PIWIL1: variants seen among roughly 807,000 people sequenced by gnomAD.
The protein encoded by PIWIL1 is piwi-like protein 1.
Under a neutral mutation model 114.4 loss-of-function variants are expected in PIWIL1, and 73 were observed. That is an observed-to-expected ratio of 0.64 (90% CI 0.53 to 0.78). The LOEUF (loss-of-function observed/expected upper bound fraction) is 0.78, where lower values mean the gene tolerates loss of function less well. Among genes scored for constraint, PIWIL1 ranks in the 30% least tolerant of loss-of-function variants. PIWIL1 has a pLI of 0.00. For missense variants in PIWIL1, 723 were observed against 1,063.1 expected (o/e 0.68, Z 4.45); for synonymous variants, 375 against 369.0 (o/e 1.02, Z -0.19).
the PIWIL1 span, among the ~76,000 whole-genome samples, chr12:130,416,238 T>C: frequency 2.0e-5 from 3 of 152,184 alleles, no homozygotes; most frequent in African/African-American, 7.2e-5. Context: ...AAAATTCATA[T>C]GGAACCAAAA....
At chr12:130,415,770 C>T in the PIWIL1 span, among the ~76,000 whole-genome samples, 1 of 152,280 alleles carries the variant, frequency 6.6e-6, no homozygotes, top group Non-Finnish European at 1.5e-5. Flanking sequence ...AATTATCTCT[C>T]TTCACTGATG....
the PIWIL1 span, among the ~76,000 whole-genome samples, chr12:130,418,794 A>G: frequency 3.9e-5 from 6 of 152,166 alleles, no homozygotes; most frequent in African/African-American, 1.4e-4. Flanking sequence ...ATACTCAAGG[A>G]CCATGATCTG....
chr12:130,413,724 T>C, the PIWIL1 span, among the ~76,000 whole-genome samples: 2 of 150,054 alleles, frequency 1.3e-5, no homozygotes, highest in Non-Finnish European at 3.0e-5. Flanking sequence ...GGCATGGAAC[T>C]CCAGCCTCTA....
At chr12:130,399,235 GAAATA>G in the PIWIL1 span, 31 of 845,452 alleles carry the variant, frequency 3.7e-5, no homozygotes, top group African/African-American at 2.3e-4. Flanking sequence ...TTGCAGTGAT[GAAATA>G]AAATAAAAAT....
chr12:130,404,444 C>A, the PIWIL1 span, among the ~76,000 whole-genome samples: 2 of 152,162 alleles, frequency 1.3e-5, no homozygotes, highest in African/African-American at 4.8e-5. Flanking sequence ...ATTACAGGCA[C>A]ATGCCACCAC....
chr12:130,364,491 G>A (rs191042342), intron 18 of PIWIL1, among the ~76,000 whole-genome samples: 4 of 152,320 alleles, frequency 2.6e-5, no homozygotes, highest in Non-Finnish European at 2.9e-5. Flanking sequence ...ATGTGATGCC[G>A]TGAAGGTCTC....
chr12:130,394,642 C>T, the PIWIL1 span, among the ~76,000 whole-genome samples: 1 of 143,898 alleles, frequency 6.9e-6, no homozygotes, highest in Non-Finnish European at 1.5e-5. Context: ...GTAGAAATTT[C>T]TGGAAGGTTG....
the PIWIL1 span, among the ~76,000 whole-genome samples, chr12:130,401,258 G>A: frequency 6.6e-6 from 1 of 152,004 alleles, no homozygotes; most frequent in Non-Finnish European, 1.5e-5. Context: ...TGGAATTACA[G>A]GCAGATGCCA....
intron 6 of PIWIL1, among the ~76,000 whole-genome samples, chr12:130,347,580 G>A (rs1481015435): frequency 1.3e-5 from 2 of 152,214 alleles, no homozygotes; most frequent in Non-Finnish European, 2.9e-5. Flanking sequence ...ACTTGTATCT[G>A]TAATTTCCCT....
the PIWIL1 span, among the ~76,000 whole-genome samples, chr12:130,415,197 T>G: frequency 6.6e-6 from 1 of 152,080 alleles, no homozygotes; most frequent in African/African-American, 2.4e-5. Context: ...AAAAAGACAA[T>G]TCACCATGAT....
At chr12:130,383,315 C>G in the PIWIL1 span, 3 of 152,128 alleles carry the variant, frequency 2.0e-5, no homozygotes, top group African/African-American at 7.2e-5. Flanking sequence ...GACGTGTTCC[C>G]TATGAGAATC....
In PIWIL1 at chr12:130,361,573, G is replaced by A. The variant is rs1408672760; in HGVS notation, c.1942G>A (p.Val648Ile). The change falls in exon 16 of 21, where the codon GTT becomes ATT. Residue 648 changes from valine (V) to isoleucine (I), a missense_variant. Coordinates refer to ENST00000245255, the MANE Select transcript of PIWIL1 (RefSeq NM_004764.5). ...TGGGCGGAGGTCAATCGCAGGATTT[G>A]TTGCCAGCATCAATGAAGGGATGAC... ...TAGRRSIAGF[V>I]ASINEGMTRW... The A allele has an allele frequency of 6.2e-7, 1 of 1,614,194 alleles. No individual in the cohort carries two copies. The highest frequency in any genetic ancestry group is 1.1e-5 in the South Asian group (1 of 91,084).
At chr12:130,346,013 C>G in intron 4 of PIWIL1, 135 bp downstream of exon 4, 1 of 831,720 alleles carries the variant, frequency 1.2e-6, no homozygotes, top group Non-Finnish European at 1.8e-6. Flanking sequence ...TTTCTTTTGG[C>G]GTTGATGAAG....
chr12:130,399,147 A>G, the PIWIL1 span: 1 of 1,399,218 alleles, frequency 7.1e-7, no homozygotes, highest in Non-Finnish European at 9.3e-7. Context: ...AAGGTGTGAA[A>G]TGAACACTCT....
At chr12:130,414,376 G>T in the PIWIL1 span, 1 of 1,451,322 alleles carries the variant, frequency 6.9e-7, no homozygotes, top group Non-Finnish European at 9.3e-7. Flanking sequence ...GGGAAATGCA[G>T]CTTTGGAAAG....
At chr12:130,356,885 T>C (rs768503552) in intron 12 of PIWIL1, 33 bp from the exon 13 acceptor site, 2 of 1,497,076 alleles carry the variant, frequency 1.3e-6, no homozygotes, top group Non-Finnish European at 1.8e-6. Flanking sequence ...GAACTTACAA[T>C]GGAATTTACA....
intron 19 of PIWIL1, among the ~76,000 whole-genome samples, chr12:130,369,079 G>A (rs1446167889): frequency 6.6e-6 from 1 of 152,010 alleles, no homozygotes; most frequent in Non-Finnish European, 1.5e-5. Flanking sequence ...CCCAGTGTGT[G>A]TGTCATTCTC....
At chr12:130,407,105 C>A in the PIWIL1 span, among the ~76,000 whole-genome samples, 1 of 152,216 alleles carries the variant, frequency 6.6e-6, no homozygotes, top group Non-Finnish European at 1.5e-5. Context: ...TATTCACAAC[C>A]AAACACATTT....
intron 3 of PIWIL1, among the ~76,000 whole-genome samples, chr12:130,343,885 C>T (rs2136128911): frequency 6.6e-6 from 1 of 152,256 alleles, no homozygotes; most frequent in Middle Eastern, 3.4e-3. Context: ...GCTTAGCCTC[C>T]CAAAGTGCTG....
Sources: allele counts gnomAD v4.1 joint callset (sites outside exome capture counted in the v4.1 genomes callset), GRCh38; gene constraint gnomAD v4.1.1; transcripts MANE v1.5; gene names NCBI Gene and HGNC (gene_info 2026-07-23, HGNC 2026-07-21).